SEPTIN14: variants seen among roughly 807,000 people sequenced by gnomAD.
SEPTIN14 encodes septin 14.
A neutral mutation model predicts 53.6 loss-of-function variants in SEPTIN14; 40 were observed. The ratio of observed to expected loss-of-function variants is 0.75; its 90% CI spans 0.58 to 0.97. The LOEUF (loss-of-function observed/expected upper bound fraction) is 0.97, where lower values mean the gene tolerates loss of function less well. SEPTIN14 is among the 50% of genes least tolerant of loss of function. The probability of loss-of-function intolerance (pLI) is 0.00; values close to 1 mark genes in which losing one functional copy is unlikely to be tolerated. For synonymous variants in SEPTIN14, 138 were observed against 166.8 expected (o/e 0.83, Z 1.33); for missense variants, 471 against 508.2 (o/e 0.93, Z 0.70).
intron 6 of SEPTIN14, among the ~76,000 whole-genome samples, chr7:55,822,547 T>C (rs539287081): frequency 7.3e-5 from 11 of 151,426 alleles, no homozygotes; most frequent in African/African-American, 2.2e-4. Flanking sequence ...GGCAAAATAA[T>C]AGACAAACAG....
intron 6 of SEPTIN14, among the ~76,000 whole-genome samples, chr7:55,820,143 G>C (rs776463946): frequency 3.3e-5 from 5 of 152,038 alleles, no homozygotes; most frequent in Non-Finnish European, 5.9e-5. Flanking sequence ...GGGATTACAG[G>C]TGCCTGCCAC....
chr7:55,848,311 G>A (rs1408662596), intron 2 of SEPTIN14, among the ~76,000 whole-genome samples: 5 of 151,922 alleles, frequency 3.3e-5, no homozygotes, highest in Non-Finnish European at 7.4e-5. Context: ...ACATGCATGC[G>A]CCACCATGCC....
chr7:55,832,913 A>C (rs1299763381), intron 6 of SEPTIN14, among the ~76,000 whole-genome samples: 1 of 152,112 alleles, frequency 6.6e-6, no homozygotes, highest in Non-Finnish European at 1.5e-5. Context: ...TAGAAGCCAA[A>C]CCTCACCATT....
At position 55,795,430 on chromosome 7, in the gene SEPTIN14, G is replaced by T. The variant is rs6964211; in HGVS notation, c.*483C>A. 0.42 allele frequency: 65,381 copies of T among 156,316 alleles called. 14,574 individuals are homozygous for T. The highest frequency in any genetic ancestry group is 0.57 in the African/African-American group (23,407 of 40,956). The allele number at this position is 156,316 out of a possible 1,614,324, so 9.7% of individuals were successfully genotyped here. A position where few individuals can be genotyped will look rare whatever the true frequency, so the allele number is the denominator to read the frequency against. ...TGCCAAGATACAGAATCTGAAAAGAGGGACACAGGATCTGCCTTCTGGGAG... is the reference window on the plus strand; with the variant it reads ...TGCCAAGATACAGAATCTGAAAAGATGGACACAGGATCTGCCTTCTGGGAG... On this transcript the variant is annotated 3_prime_UTR_variant, in exon 10 of 10. Coordinates refer to ENST00000388975, the MANE Select transcript of SEPTIN14 (RefSeq NM_207366.3).
At chr7:55,821,859 T>TA (rs1788901455) in intron 6 of SEPTIN14, among the ~76,000 whole-genome samples, 1 of 152,130 alleles carries the variant, frequency 6.6e-6, no homozygotes, top group Non-Finnish European at 1.5e-5. Flanking sequence ...ACGCTACTGA[T>TA]AAAAGATATA....
rs71015108 is a variant in SEPTIN14 at position 55,830,349 on chromosome 7, A to ATATATATTT, written c.720+4075_720+4076insAAATATATA. ...TATATATATATATATATATATATAT[A>ATATATATTT]TTTTTTTTTTTTTTTGAGACGGAGT... On this transcript the variant is annotated intron_variant, in intron 6 of 9. Transcript: ENST00000388975. 1.1e-3 allele frequency among the ~76,000 whole-genome samples: 60 copies of ATATATATTT among 56,802 alleles called. 1 individual carries two copies. The highest frequency in any genetic ancestry group is 1.4e-3 in the Non-Finnish European group (52 of 35,980). The allele number at this position is 56,802 out of a possible 152,430, so 37.3% of individuals were successfully genotyped here.
At position 55,813,856 on chromosome 7, in the gene SEPTIN14, G is replaced by T. The variant is rs184284390; in HGVS notation, c.817+5271C>A. On this transcript the variant is annotated intron_variant, in intron 7 of 9. Transcript: ENST00000388975. Reference sequence around the variant, plus strand: ...CCCAGCCCAGCAGGACTCACCACCTGCTGACTAAAGAGCCCTTGGGCCTTA... The same window carrying T: ...CCCAGCCCAGCAGGACTCACCACCTTCTGACTAAAGAGCCCTTGGGCCTTA... Among the ~76,000 whole-genome samples the T allele has an allele frequency of 3.0e-3, 453 of 152,274 alleles. 7 individuals carry two copies. Among genetic ancestry groups the T allele is most frequent in the Admixed American group, 0.027 (414 of 15,296 alleles).
At chr7:55,859,964 G>T (rs899042706) in intron 2 of SEPTIN14, among the ~76,000 whole-genome samples, 1 of 152,172 alleles carries the variant, frequency 6.6e-6, no homozygotes, top group Non-Finnish European at 1.5e-5. Context: ...TGGATCACCA[G>T]AGGTCAGGAG....
rs1789042203 is a variant in SEPTIN14, at chr7:55,829,060, T to C, written c.720+5365A>G. 2.6e-5 allele frequency among the ~76,000 whole-genome samples: 4 copies of C among 152,160 alleles called. No homozygotes were observed. In the South Asian group the frequency reaches 8.3e-4, roughly 32 times the overall value. On this transcript the variant is annotated intron_variant, in intron 6 of 9. Coordinates refer to ENST00000388975, the MANE Select transcript of SEPTIN14 (RefSeq NM_207366.3). ...CTGTGTTAGTTCAAAAAACCTGTTT[T>C]GTTTTTTGAAAAGATAAGAAAATTG...
intron 9 of SEPTIN14, among the ~76,000 whole-genome samples, chr7:55,803,910 G>A (rs1788565218): frequency 6.6e-6 from 1 of 150,798 alleles, no homozygotes; most frequent in Non-Finnish European, 1.5e-5. Flanking sequence ...GGATCACGAG[G>A]TCAGGAGATC....
intron 6 of SEPTIN14, among the ~76,000 whole-genome samples, chr7:55,832,555 T>C (rs1789128309): frequency 7.4e-6 from 1 of 135,196 alleles, no homozygotes; most frequent in African/African-American, 3.0e-5. Flanking sequence ...ATATACACCA[T>C]GGAATACTAT....
rs1479350232 is a variant in SEPTIN14 at position 55,830,340 on chromosome 7, TATATA to T, written c.720+4080_720+4084del. Reference sequence around the variant, plus strand: ...CCAACTGTATATATATATATATATATATATATATATTTTTTTTTTTTTTTGAGACG... The same window carrying T: ...CCAACTGTATATATATATATATATATTATATTTTTTTTTTTTTTTGAGACG... On this transcript the variant is annotated intron_variant, in intron 6 of 9. Transcript: ENST00000388975. 3.7e-3 allele frequency among the ~76,000 whole-genome samples: 138 copies of T among 37,656 alleles called. 2 individuals carry two copies. Among genetic ancestry groups the T allele is most frequent in the South Asian group, 0.025 (20 of 796 alleles). 24.7% of individuals were successfully genotyped at this position (37,656 alleles called of 152,430 possible). A position where few individuals can be genotyped will look rare whatever the true frequency, so the allele number is the denominator to read the frequency against.
intron 2 of SEPTIN14, among the ~76,000 whole-genome samples, chr7:55,855,407 G>C (rs1388075067): frequency 6.6e-6 from 1 of 152,220 alleles, no homozygotes; most frequent in Non-Finnish European, 1.5e-5. Flanking sequence ...GAAAAGACAA[G>C]ATGGGAGCAT....
chr7:55,825,506 T>C (rs887242151), intron 6 of SEPTIN14, among the ~76,000 whole-genome samples: 1 of 152,174 alleles, frequency 6.6e-6, no homozygotes, highest in East Asian at 1.9e-4. Context: ...CTTTAGTTTA[T>C]AACTTACCAA....
chr7:55,853,024 A>G (rs981340069), intron 2 of SEPTIN14, among the ~76,000 whole-genome samples: 5 of 152,328 alleles, frequency 3.3e-5, no homozygotes, highest in African/African-American at 9.6e-5. Flanking sequence ...TTTTTACCCA[A>G]AAGACTGGCA....
At chr7:55,807,401 T>C (rs1005369603) in intron 7 of SEPTIN14, 143 bp from the exon 8 acceptor site, 4 of 572,238 alleles carry the variant, frequency 7.0e-6, no homozygotes, top group Non-Finnish European at 1.2e-5. Flanking sequence ...ATAATTCTTT[T>C]AAGCATGTAA....
intron 5 of SEPTIN14, among the ~76,000 whole-genome samples, chr7:55,839,736 A>G (rs1252829346): frequency 6.6e-6 from 1 of 152,120 alleles, no homozygotes; most frequent in Non-Finnish European, 1.5e-5. Flanking sequence ...GTTGAAATCT[A>G]TCAAATGTGA....
Position 55,796,041 on chromosome 7 carries a change from T to C in SEPTIN14, c.1171A>G (p.Lys391Glu), listed in dbSNP as rs1788427731. 2 of 1,503,178 alleles carry C rather than the reference T, an allele frequency of 1.3e-6. No individual in the cohort carries two copies. Among genetic ancestry groups the C allele is most frequent in the East Asian group, 2.3e-5 (1 of 44,424 alleles). 93.1% of individuals were successfully genotyped at this position (1,503,178 alleles called of 1,614,324 possible). A position where few individuals can be genotyped will look rare whatever the true frequency, so the allele number is the denominator to read the frequency against. The part of the protein sequence containing the change: ...LKMIQQEEIR[K>E]LEEEKKQLEG... ...AGTTGTTTTTTCTCTTCCTCGAGCTTCCTTATCTCCTCCTGTTGAATCATT... is the reference window on the plus strand; with the variant it reads ...AGTTGTTTTTTCTCTTCCTCGAGCTCCCTTATCTCCTCCTGTTGAATCATT... The change falls in exon 10 of 10, where the codon AAG becomes GAG. Residue 391 changes from lysine (K) to glutamate (E), a missense_variant. By Grantham distance (56) the Lys-to-Glu change is moderately conservative. Coordinates refer to ENST00000388975, the MANE Select transcript of SEPTIN14 (RefSeq NM_207366.3).
rs538557580 is a variant in SEPTIN14, at chr7:55,798,459, A to G, written c.1120-2367T>C. ...GACAGTGAGACAGAGAATGACCACA[A>G]TGATGCTTTCCTCTCCGTCATGTCT... On this transcript the variant is annotated intron_variant, in intron 9 of 9. Coordinates refer to ENST00000388975, the MANE Select transcript of SEPTIN14 (RefSeq NM_207366.3). 1.6e-3 allele frequency: 462 copies of G among 283,092 alleles called. 4 individuals carry two copies. Among genetic ancestry groups the G allele is most frequent in the African/African-American group, 9.3e-3 (411 of 44,008 alleles). 17.5% of individuals were successfully genotyped at this position (283,092 alleles called of 1,614,324 possible).
Sources: allele counts gnomAD v4.1 joint callset (sites outside exome capture counted in the v4.1 genomes callset), GRCh38; gene constraint gnomAD v4.1.1; transcripts MANE v1.5; gene names NCBI Gene and HGNC (gene_info 2026-07-23, HGNC 2026-07-21).